The following ARHGAP15 variants were observed in gnomAD, a reference collection of about 807,000 sequenced individuals.
The protein encoded by ARHGAP15 is rho GTPase-activating protein 15.
A neutral mutation model predicts 63.7 loss-of-function variants in ARHGAP15; 51 were observed. That is an observed-to-expected ratio of 0.80 (90% CI 0.64 to 1.01). The LOEUF is 1.01. Among genes scored for constraint, ARHGAP15 ranks in the 50% least tolerant of loss-of-function variants. The probability of loss-of-function intolerance (pLI) is 0.00; values close to 1 mark genes in which losing one functional copy is unlikely to be tolerated. For synonymous variants in ARHGAP15, 191 were observed against 193.8 expected (o/e 0.99, Z 0.12); for missense variants, 560 against 564.6 (o/e 0.99, Z 0.08).
chr2:143,635,532 T>C (rs547382214), intron 12 of ARHGAP15, among the ~76,000 whole-genome samples: 16 of 152,200 alleles, frequency 1.1e-4, no homozygotes, highest in African/African-American at 3.4e-4. Flanking sequence ...GCACCTTGAA[T>C]TGTGGCTTTT....
intron 10 of ARHGAP15, among the ~76,000 whole-genome samples, chr2:143,537,776 C>G (rs993496454): frequency 4.6e-5 from 7 of 152,170 alleles, no homozygotes; most frequent in Non-Finnish European, 5.9e-5. Context: ...GTTTTGGTTA[C>G]TGTAGCCTTG....
chr2:143,324,322 G>A (rs1054062016), intron 6 of ARHGAP15, among the ~76,000 whole-genome samples: 2 of 152,060 alleles, frequency 1.3e-5, no homozygotes, highest in African/African-American at 4.8e-5. Flanking sequence ...CATATTCTAT[G>A]TGGACTGGAA....
intron 12 of ARHGAP15, among the ~76,000 whole-genome samples, chr2:143,666,847 A>G (rs1682222769): frequency 6.7e-6 from 1 of 149,550 alleles, no homozygotes; most frequent in Admixed American, 6.6e-5. Context: ...CATCAGAGAA[A>G]TGCAAATCTA....
chr2:143,489,210 C>A (rs2105230980), intron 9 of ARHGAP15, among the ~76,000 whole-genome samples: 1 of 152,300 alleles, frequency 6.6e-6, no homozygotes, highest in African/African-American at 2.4e-5. Context: ...TTAATTACTA[C>A]AGTGCTCTAG....
intron 9 of ARHGAP15, among the ~76,000 whole-genome samples, chr2:143,515,718 G>A (rs1166025306): frequency 6.6e-6 from 1 of 152,112 alleles, no homozygotes; most frequent in Non-Finnish European, 1.5e-5. Flanking sequence ...TTCACTTTCT[G>A]TCATATGAGT....
chr2:143,755,710 T>C (rs1038243232), intron 13 of ARHGAP15, among the ~76,000 whole-genome samples: 2 of 152,104 alleles, frequency 1.3e-5, no homozygotes, highest in Non-Finnish European at 2.9e-5. Flanking sequence ...GTGTGGTGGC[T>C]CACACCTGTA....
chr2:143,483,923 C>T (rs1051374878), intron 8 of ARHGAP15, among the ~76,000 whole-genome samples: 1 of 152,134 alleles, frequency 6.6e-6, no homozygotes, highest in African/African-American at 2.4e-5. Context: ...TACTGTGCTG[C>T]ATTATAATTA....
At chr2:143,187,448 C>T (rs1005579963) in intron 2 of ARHGAP15, among the ~76,000 whole-genome samples, 2 of 152,154 alleles carry the variant, frequency 1.3e-5, no homozygotes, top group Admixed American at 1.3e-4. Flanking sequence ...GCAGGGGTTC[C>T]TTCGATGATA....
chr2:143,367,695 G>T (rs191547806), intron 6 of ARHGAP15, among the ~76,000 whole-genome samples: 1 of 151,686 alleles, frequency 6.6e-6, no homozygotes, highest in African/African-American at 2.4e-5. Flanking sequence ...TTTTGTTGTT[G>T]CTTTTTAAAT....
intron 2 of ARHGAP15, among the ~76,000 whole-genome samples, chr2:143,184,658 G>T (rs12691670): frequency 6.6e-6 from 1 of 151,034 alleles, no homozygotes; most frequent in East Asian, 1.9e-4. Context: ...AAATAATCCC[G>T]CCTAGCTAAT....
At chr2:143,213,108 A>T (rs1002011925) in intron 3 of ARHGAP15, among the ~76,000 whole-genome samples, 2 of 152,242 alleles carry the variant, frequency 1.3e-5, no homozygotes, top group African/African-American at 2.4e-5. Flanking sequence ...CAATTGTCCT[A>T]TTAATCTTTC....
intron 6 of ARHGAP15, chr2:143,435,257 C>A (rs55852115): frequency 0.082 from 81,415 of 997,692 alleles, 3,918 homozygotes; most frequent in African/African-American, 0.21. Context: ...TTCTGACACA[C>A]CCGGGTGCAT....
intron 3 of ARHGAP15, among the ~76,000 whole-genome samples, chr2:143,212,864 A>G (rs139707922): frequency 6.6e-6 from 1 of 152,296 alleles, no homozygotes; most frequent in African/African-American, 2.4e-5. Flanking sequence ...CTATCATGAC[A>G]AAGAATAGTA....
intron 12 of ARHGAP15, among the ~76,000 whole-genome samples, chr2:143,672,803 G>T (rs911017330): frequency 2.6e-5 from 4 of 152,158 alleles, no homozygotes; most frequent in Non-Finnish European, 5.9e-5. Context: ...AGAGTTGATT[G>T]AAACTATAGT....
intron 12 of ARHGAP15, chr2:143,682,556 G>C (rs995159827): frequency 6.6e-6 from 1 of 151,862 alleles, no homozygotes; most frequent in African/African-American, 2.4e-5. Flanking sequence ...ATATGTACAC[G>C]CACACACACA....
chr2:143,445,044 G>C (rs575439025), intron 8 of ARHGAP15, among the ~76,000 whole-genome samples: 68 of 151,608 alleles, frequency 4.5e-4, no homozygotes, highest in African/African-American at 1.5e-3. Context: ...GGCCTAAAAA[G>C]GTAGAGGACT....
intron 6 of ARHGAP15, among the ~76,000 whole-genome samples, chr2:143,432,539 G>C (rs1689433517): frequency 6.6e-6 from 1 of 151,972 alleles, no homozygotes; most frequent in Non-Finnish European, 1.5e-5. Context: ...ACCGTACCAA[G>C]GACACAGACT....
intron 6 of ARHGAP15, among the ~76,000 whole-genome samples, chr2:143,415,616 C>T (rs1046486655): frequency 1.3e-5 from 2 of 152,072 alleles, no homozygotes; most frequent in Non-Finnish European, 2.9e-5. Flanking sequence ...TAATCATGTT[C>T]CGTTTTAAAA....
chr2:143,746,837 A>G (rs559524379), intron 13 of ARHGAP15, among the ~76,000 whole-genome samples: 1 of 152,354 alleles, frequency 6.6e-6, no homozygotes, highest in South Asian at 2.1e-4. Flanking sequence ...TAGTAGAGAC[A>G]TGCTTAAATA....
Sources: allele counts gnomAD v4.1 joint callset (sites outside exome capture counted in the v4.1 genomes callset), GRCh38; gene constraint gnomAD v4.1.1; transcripts MANE v1.5; gene names NCBI Gene and HGNC (gene_info 2026-07-23, HGNC 2026-07-21).